Variants in INPP4B observed in about 807,000 individuals in gnomAD.
INPP4B encodes inositol polyphosphate 4-phosphatase type II.
Under a neutral mutation model 122.5 loss-of-function variants are expected in INPP4B, and 55 were observed. That is an observed-to-expected ratio of 0.45 (90% CI 0.36 to 0.56). INPP4B has a LOEUF of 0.56. INPP4B is among the 20% of genes least tolerant of loss of function. The pLI is 0.00. For missense variants in INPP4B, 1,000 were observed against 1,097.7 expected, an observed-to-expected ratio of 0.91 and a Z score of 1.26; for synonymous variants, 403 against 388.7, an observed-to-expected ratio of 1.04 and a Z score of -0.43.
chr4:142,177,127 T>A (rs1198996746), intron 15 of INPP4B, among the ~76,000 whole-genome samples: 1 of 152,172 alleles, frequency 6.6e-6, no homozygotes, highest in East Asian at 1.9e-4. Flanking sequence ...AGCAGAGTTG[T>A]GTAGCAGGCA....
At chr4:142,181,646 T>C (rs1454913035) in intron 15 of INPP4B, among the ~76,000 whole-genome samples, 1 of 152,212 alleles carries the variant, frequency 6.6e-6, no homozygotes, top group Non-Finnish European at 1.5e-5. Context: ...CATTCATTCA[T>C]TCATTCAAAA....
chr4:142,649,346 G>A (rs1417086413), intron 2 of INPP4B, among the ~76,000 whole-genome samples: 3 of 152,144 alleles, frequency 2.0e-5, no homozygotes, highest in African/African-American at 7.2e-5. Flanking sequence ...TGCCAGCAAT[G>A]GAACAAAGCT....
chr4:142,639,254 T>C (rs1339392109), intron 2 of INPP4B, among the ~76,000 whole-genome samples: 1 of 152,220 alleles, frequency 6.6e-6, no homozygotes, highest in Non-Finnish European at 1.5e-5. Context: ...TTGGCTTTAA[T>C]ATTCAGGTAA....
intron 2 of INPP4B, among the ~76,000 whole-genome samples, chr4:142,637,392 T>G (rs2150457666): frequency 6.6e-6 from 1 of 152,332 alleles, no homozygotes; most frequent in Middle Eastern, 3.4e-3. Context: ...CACTCATTTT[T>G]TATTATCTCC....
At position 142,575,430 on chromosome 4, in the gene INPP4B, T is replaced by G. The variant is rs545543436; in HGVS notation, c.-190-112704A>C. 7.2e-5 allele frequency among the ~76,000 whole-genome samples: 11 copies of G among 152,158 alleles called. No homozygotes were observed. In the South Asian group the frequency reaches 1.9e-3, roughly 26 times the overall value. The stretch of plus-strand genomic sequence containing the variant: ...TGTGAGTTGACAAAGATTAATTAGC[T>G]AATTCTATAAACCTTCTACTTTCTC... On this transcript the variant is annotated intron_variant, in intron 2 of 25. Coordinates refer to ENST00000262992, the MANE Select transcript of INPP4B (RefSeq NM_001101669.3).
At chr4:142,723,893 A>G (rs1216717839) in intron 2 of INPP4B, among the ~76,000 whole-genome samples, 1 of 152,132 alleles carries the variant, frequency 6.6e-6, no homozygotes, top group African/African-American at 2.4e-5. Context: ...CAACAAATCT[A>G]TAGGACCAGC....
chr4:142,271,805 C>A (rs1745997102), intron 9 of INPP4B, among the ~76,000 whole-genome samples: 1 of 152,150 alleles, frequency 6.6e-6, no homozygotes, highest in Non-Finnish European at 1.5e-5. Context: ...ATAAGATTTT[C>A]ACCATCATTA....
chr4:142,355,974 C>A (rs1033395250), intron 7 of INPP4B, among the ~76,000 whole-genome samples: 1 of 151,298 alleles, frequency 6.6e-6, no homozygotes, highest in East Asian at 2.0e-4. Flanking sequence ...TTTTAAAATG[C>A]CACATACTCC....
At chr4:142,230,421 G>T (rs1338113838) in intron 12 of INPP4B, among the ~76,000 whole-genome samples, 2 of 152,012 alleles carry the variant, frequency 1.3e-5, no homozygotes, top group East Asian at 3.9e-4. Flanking sequence ...TGAGGCAGGT[G>T]GATCACCTGA....
chr4:142,775,546 C>T (rs1287775308), intron 1 of INPP4B, among the ~76,000 whole-genome samples: 1 of 141,780 alleles, frequency 7.1e-6, no homozygotes, highest in African/African-American at 2.6e-5. Flanking sequence ...CTCCTCTTCC[C>T]TTCCTTTTAA....
At chr4:142,246,855 G>T (rs1223385472) in intron 11 of INPP4B, among the ~76,000 whole-genome samples, 1 of 152,150 alleles carries the variant, frequency 6.6e-6, no homozygotes, top group African/African-American at 2.4e-5. Context: ...GGGTGAGAGA[G>T]GGCATCCTTG....
intron 14 of INPP4B, 28 bp downstream of exon 14, chr4:142,208,397 C>T (rs2149520514): frequency 8.1e-7 from 1 of 1,227,442 alleles, no homozygotes; most frequent in Non-Finnish European, 1.2e-6. Flanking sequence ...ACATAATTTG[C>T]TATTTTTAAA....
chr4:142,565,904 A>G (rs942409997), intron 2 of INPP4B: 13 of 152,186 alleles, frequency 8.5e-5, no homozygotes, highest in African/African-American at 3.1e-4. Context: ...AAATATGAGA[A>G]AACATCAGAG....
intron 2 of INPP4B, among the ~76,000 whole-genome samples, chr4:142,633,361 G>A (rs552445337): frequency 6.6e-5 from 10 of 152,180 alleles, no homozygotes; most frequent in Admixed American, 2.0e-4. Context: ...AGTAAATGCT[G>A]AAGATAAATG....
chr4:142,419,985 T>C, intron 5 of INPP4B, among the ~76,000 whole-genome samples: 1 of 152,184 alleles, frequency 6.6e-6, no homozygotes, highest in East Asian at 1.9e-4. Flanking sequence ...ACAGAGGGAC[T>C]TGCTTCAGTG....
rs182924854 is a variant in INPP4B at position 142,313,673 on chromosome 4, G to A, written c.423+1039C>T. Among the ~76,000 whole-genome samples, 4 of 152,324 alleles carry A rather than the reference G, an allele frequency of 2.6e-5. No individual in the cohort carries two copies. In the East Asian group the frequency reaches 7.7e-4, roughly 29 times the overall value. On this transcript the variant is annotated intron_variant, in intron 8 of 25. Transcript: ENST00000262992. ...TGTGTAGTCAGCACAGAGATTGGTAGTAGAAGTGAATGGCACAAGAGGTTG... is the reference window on the plus strand; with the variant it reads ...TGTGTAGTCAGCACAGAGATTGGTAATAGAAGTGAATGGCACAAGAGGTTG...
chr4:142,671,680 T>G (rs1757023596), intron 2 of INPP4B, among the ~76,000 whole-genome samples: 1 of 152,154 alleles, frequency 6.6e-6, no homozygotes, highest in East Asian at 1.9e-4. Flanking sequence ...TTAGACTTAG[T>G]AGGTTTGGAG....
At position 142,024,844 on chromosome 4, in the gene INPP4B, C is replaced by T. The variant is rs1736543261; in HGVS notation, c.*3938G>A. ...ATTTAGCCCTGAGTTATTGCTTAGA[C>T]TACAGTTGAATTGCTAAGAATTCTC... On this transcript the variant is annotated 3_prime_UTR_variant, in exon 26 of 26. Coordinates refer to ENST00000262992, the MANE Select transcript of INPP4B (RefSeq NM_001101669.3). The T allele has an allele frequency of 6.6e-6, 1 of 152,076 alleles. No homozygotes were observed. The highest frequency in any genetic ancestry group is 2.1e-4 in the South Asian group (1 of 4,826). The allele number at this position is 152,076 out of a possible 1,614,324, so 9.4% of individuals were successfully genotyped here. A position where few individuals can be genotyped will look rare whatever the true frequency, so the allele number is the denominator to read the frequency against.
chr4:142,690,169 G>A (rs748506025), intron 2 of INPP4B, among the ~76,000 whole-genome samples: 4 of 152,108 alleles, frequency 2.6e-5, no homozygotes, highest in Non-Finnish European at 4.4e-5. Flanking sequence ...ACCATGCGGC[G>A]TCTTTCATTG....
Sources: allele counts gnomAD v4.1 joint callset (sites outside exome capture counted in the v4.1 genomes callset), GRCh38; gene constraint gnomAD v4.1.1; transcripts MANE v1.5; gene names NCBI Gene and HGNC (gene_info 2026-07-23, HGNC 2026-07-21).